FOXJ3: variants seen among roughly 807,000 people sequenced by gnomAD.
FOXJ3 encodes the protein forkhead box J3.
Under a neutral mutation model 76.1 loss-of-function variants are expected in FOXJ3, and 22 were observed. That is an observed-to-expected ratio of 0.29 (90% CI 0.21 to 0.41). The LOEUF is 0.41. Among genes scored for constraint, FOXJ3 ranks in the 10% least tolerant of loss-of-function variants. The pLI is 1.00. For missense variants in FOXJ3, 613 were observed against 762.1 expected (o/e 0.80, Z 2.30); for synonymous variants, 269 against 261.2 (o/e 1.03, Z -0.29).
chr1:42,280,454 A>C (rs1168855480), intron 2 of FOXJ3: 3 of 965,550 alleles, frequency 3.1e-6, no homozygotes, highest in Non-Finnish European at 3.7e-6. Context: ...AAAAAAAAAA[A>C]AAAAAAAAAA....
chr1:42,263,462 A>G (rs2124623706), intron 4 of FOXJ3, among the ~76,000 whole-genome samples: 1 of 152,330 alleles, frequency 6.6e-6, no homozygotes, highest in African/African-American at 2.4e-5. Context: ...GAAATGTGAT[A>G]AAGAATTTAT....
intron 1 of FOXJ3, among the ~76,000 whole-genome samples, chr1:42,321,093 C>T (rs989969821): frequency 1.3e-5 from 2 of 152,168 alleles, no homozygotes; most frequent in African/African-American, 2.4e-5. Context: ...AATTACCTGC[C>T]TCATTCCCAA....
chr1:42,206,049 TC>T (rs1646855111), intron 5 of FOXJ3, 186 bp from the exon 6 acceptor site: 2 of 530,670 alleles, frequency 3.8e-6, no homozygotes, highest in Non-Finnish European at 6.7e-6. Flanking sequence ...TATTACAAAG[TC>T]CTTTGGTATG....
chr1:42,190,911 T>G (rs1004972232), intron 9 of FOXJ3, among the ~76,000 whole-genome samples: 11 of 152,216 alleles, frequency 7.2e-5, no homozygotes, highest in African/African-American at 2.7e-4. Flanking sequence ...AAGTCAGACA[T>G]GTCAGAATAT....
rs116088705 is a variant in FOXJ3, at chr1:42,209,625, G to A, written c.529-3762C>T. ...AATTCCTTAACCCAATCCAGGCCACGGGGGAATGCCTTAATGCTACCCAGT... is the reference window on the plus strand; with the variant it reads ...AATTCCTTAACCCAATCCAGGCCACAGGGGAATGCCTTAATGCTACCCAGT... On this transcript the variant is annotated intron_variant, in intron 5 of 12. Transcript: ENST00000361346. Among the ~76,000 whole-genome samples the A allele has an allele frequency of 4.1e-3, 627 of 152,228 alleles. 3 individuals carry two copies. The highest frequency in any genetic ancestry group is 0.014 in the African/African-American group (584 of 41,538).
Position 42,194,961 on chromosome 1 carries a change from T to C in FOXJ3, c.863A>G (p.Asn288Ser), listed in dbSNP as rs761528983. The C allele has an allele frequency of 6.2e-7, 1 of 1,613,388 alleles. No individual in the cohort carries two copies. The highest frequency in any genetic ancestry group is 8.5e-7 in the Non-Finnish European group (1 of 1,179,584). The stretch of plus-strand genomic sequence containing the variant: ...AAATGAGGCACTAAGATCTTCAAAA[T>C]TATATTCTGAGAAAAGTAGTTGCTT... ...RDKQLLFSEY[N>S]FEDLSASFRS... Residue 288 changes from asparagine (N) to serine (S), a missense_variant, in exon 8 of 13, where the codon AAT becomes AGT. Physicochemically the swap from Asn to Ser is conservative, Grantham distance 46. This residue lies in a region of FOXJ3 where 526 missense variants were observed against 601.4 expected (regional missense o/e 0.87). Transcript: ENST00000361346.
chr1:42,334,335 C>T (rs1256369299), intron 1 of FOXJ3, among the ~76,000 whole-genome samples: 1 of 152,210 alleles, frequency 6.6e-6, no homozygotes, highest in Non-Finnish European at 1.5e-5. Flanking sequence ...GACCCTAACA[C>T]CTTCCACGCC....
intron 6 of FOXJ3, among the ~76,000 whole-genome samples, chr1:42,204,498 G>A (rs1251443562): frequency 6.6e-6 from 1 of 151,990 alleles, no homozygotes; most frequent in African/African-American, 2.4e-5. Flanking sequence ...TCTATGTTTA[G>A]GTCTTCATCA....
At chr1:42,286,545 G>A (rs1291031574) in intron 2 of FOXJ3, among the ~76,000 whole-genome samples, 2 of 152,150 alleles carry the variant, frequency 1.3e-5, no homozygotes, top group Non-Finnish European at 2.9e-5. Flanking sequence ...TACATATAAA[G>A]CACTGAGAAC....
At position 42,311,056 on chromosome 1, in the gene FOXJ3, G is replaced by A. The variant is rs1237327311; in HGVS notation, c.38C>T (p.Ser13Leu). The change falls in exon 2 of 13, where the codon TCA becomes TTA. Residue 13 changes from serine (S) to leucine (L), a missense_variant. By Grantham distance (145) the Ser-to-Leu change is moderately radical. Around this residue, in one of 3 missense-constraint regions of FOXJ3, gnomAD observed 77 missense variants for 115.1 expected, o/e 0.67. Transcript: ENST00000361346. ...LYGQACPSVT[S>L]LRMTSELESS... ...AAAAAAAAAGAGCACTCACCTTAAT[G>A]AAGTTACAGATGGACAAGCCTGTCC... The A allele has an allele frequency of 1.9e-6, 3 of 1,581,566 alleles. No homozygotes were observed. Among genetic ancestry groups the A allele is most frequent in the East Asian group, 4.5e-5 (2 of 44,462 alleles).
intron 4 of FOXJ3, among the ~76,000 whole-genome samples, chr1:42,244,036 T>C (rs902488000): frequency 2.0e-5 from 3 of 152,114 alleles, no homozygotes; most frequent in Non-Finnish European, 4.4e-5. Flanking sequence ...ACTCTACAAA[T>C]ACATGGAAAG....
intron 3 of FOXJ3, among the ~76,000 whole-genome samples, chr1:42,275,286 A>G (rs763819451): frequency 2.0e-5 from 3 of 152,228 alleles, no homozygotes; most frequent in Non-Finnish European, 4.4e-5. Flanking sequence ...GAAACTAAAG[A>G]GTAACTACCA....
intron 2 of FOXJ3, among the ~76,000 whole-genome samples, chr1:42,306,032 T>C (rs774174012): frequency 2.6e-4 from 39 of 152,256 alleles, no homozygotes; most frequent in Non-Finnish European, 5.1e-4. Flanking sequence ...TTACAAAAAA[T>C]AGTCTATTGT....
Position 42,310,433 on chromosome 1 carries a change from C to A in FOXJ3, c.44+617G>T, listed in dbSNP as rs895044286. Reference sequence around the variant, plus strand: ...TGCTAGGATTACAGGCATGAGCCACCGCACCTGGGCTTTTTTCTTTTTTTT... The same window carrying A: ...TGCTAGGATTACAGGCATGAGCCACAGCACCTGGGCTTTTTTCTTTTTTTT... On this transcript the variant is annotated intron_variant, in intron 2 of 12. Transcript: ENST00000361346. Among the ~76,000 whole-genome samples the A allele has an allele frequency of 1.7e-4, 26 of 151,010 alleles. No individual in the cohort carries two copies. The East Asian group carries it at 4.9e-3, about 28-fold the overall frequency.
chr1:42,234,806 C>T (rs1648463804), intron 4 of FOXJ3, among the ~76,000 whole-genome samples: 1 of 152,224 alleles, frequency 6.6e-6, no homozygotes, highest in East Asian at 1.9e-4. Flanking sequence ...CAGTGTGCTC[C>T]TACTGGGGGG....
intron 1 of FOXJ3, among the ~76,000 whole-genome samples, chr1:42,332,504 AC>A (rs1656220895): frequency 6.6e-6 from 1 of 152,104 alleles, no homozygotes; most frequent in African/African-American, 2.4e-5. Context: ...CTTATATCAG[AC>A]CCTCATCAGC....
At chr1:42,251,571 T>C (rs1179237303) in intron 4 of FOXJ3, among the ~76,000 whole-genome samples, 1 of 152,158 alleles carries the variant, frequency 6.6e-6, no homozygotes, top group African/African-American at 2.4e-5. Context: ...GTGGTTTTTG[T>C]CTTTGGTTCT....
intron 5 of FOXJ3, among the ~76,000 whole-genome samples, chr1:42,225,057 C>CA (rs1557652342): frequency 6.7e-6 from 1 of 150,052 alleles, no homozygotes; most frequent in African/African-American, 2.5e-5. Context: ...GCCTGGGTGA[C>CA]AGAGTGAAAT....
intron 4 of FOXJ3, 143 bp from the exon 5 acceptor site, chr1:42,228,109 GAA>G: frequency 2.4e-6 from 1 of 411,954 alleles, no homozygotes; most frequent in Non-Finnish European, 4.3e-6. Flanking sequence ...TTTGAACTGA[GAA>G]AAAGATTATA....
Sources: allele counts gnomAD v4.1 joint callset (sites outside exome capture counted in the v4.1 genomes callset), GRCh38; gene constraint gnomAD v4.1.1; regional missense constraint gnomAD v4.1.1; transcripts MANE v1.5; gene names NCBI Gene and HGNC (gene_info 2026-07-23, HGNC 2026-07-21).